The following PPP4R3B variants were observed in gnomAD, a reference collection of about 807,000 sequenced individuals.
The protein encoded by PPP4R3B is protein phosphatase 4 regulatory subunit 3B.
A neutral mutation model predicts 95.4 loss-of-function variants in PPP4R3B; 52 were observed. The observed-to-expected ratio is 0.54, with a 90% CI of 0.44 to 0.69. The LOEUF is 0.69. PPP4R3B is among the 30% of genes least tolerant of loss of function. The pLI is 0.00. For missense variants in PPP4R3B, 1,003 were observed against 1,005.9 expected (o/e 1.00, Z 0.04); for synonymous variants, 407 against 343.9 (o/e 1.18, Z -2.03).
chr2:55,598,697 A>C lies in PPP4R3B; in HGVS notation c.640T>G (p.Phe214Val), dbSNP rs777277076. ...LNKATLFEVM[F>V]SDECIMDVVG... The stretch of plus-strand genomic sequence containing the variant: ...ACATCCATGATACACTCATCAGAAA[A>C]CATTACCTCAAAAAGAGTTGCCTTA... The change falls in exon 4 of 17, where the codon TTT becomes GTT. Residue 214 changes from phenylalanine (F) to valine (V), a missense_variant. Coordinates refer to ENST00000616407, the MANE Select transcript of PPP4R3B (RefSeq NM_001122964.3). The C allele has an allele frequency of 6.2e-7, 1 of 1,614,222 alleles. No homozygotes were observed. The highest frequency in any genetic ancestry group is 8.5e-7 in the Non-Finnish European group (1 of 1,180,040).
chr2:55,555,756 T>C (rs894802185), intron 16 of PPP4R3B, among the ~76,000 whole-genome samples: 2 of 152,228 alleles, frequency 1.3e-5, no homozygotes, highest in East Asian at 3.8e-4. Context: ...TAAATTGTTA[T>C]ATCCATACTT....
chr2:55,574,887 C>T (rs906798617), intron 11 of PPP4R3B, among the ~76,000 whole-genome samples: 18 of 151,506 alleles, frequency 1.2e-4, no homozygotes, highest in African/African-American at 4.4e-4. Context: ...AGCCACTGCG[C>T]CCAGCCTGAT....
rs1481748744 is a variant in PPP4R3B, at chr2:55,617,467, C to T, written c.-182G>A. ...GAAGGGGTGACAAGAGCCACTGAGGCCTCTCCGCCCGGAGGCCCCGTTACC... is the reference window on the plus strand; with the variant it reads ...GAAGGGGTGACAAGAGCCACTGAGGTCTCTCCGCCCGGAGGCCCCGTTACC... On this transcript the variant is annotated 5_prime_UTR_variant, in exon 1 of 17. Coordinates refer to ENST00000616407, the MANE Select transcript of PPP4R3B (RefSeq NM_001122964.3). 4.9e-6 allele frequency: 3 copies of T among 607,668 alleles called. No individual in the cohort carries two copies. The East Asian group carries it at 9.8e-5, about 20-fold the overall frequency. 37.6% of individuals were successfully genotyped at this position (607,668 alleles called of 1,614,324 possible).
At chr2:55,591,403 A>G in intron 4 of PPP4R3B, 2 of 469,050 alleles carry the variant, frequency 4.3e-6, no homozygotes, top group Non-Finnish European at 5.6e-6. Flanking sequence ...TCAGCCTCCC[A>G]AAGTGCTAGG....
intron 2 of PPP4R3B, among the ~76,000 whole-genome samples, chr2:55,612,459 T>C (rs975657522): frequency 3.3e-5 from 5 of 152,182 alleles, no homozygotes; most frequent in African/African-American, 1.2e-4. Flanking sequence ...TGCTCACACC[T>C]GTAATCCCAG....
At position 55,574,657 on chromosome 2, in the gene PPP4R3B, G is replaced by C. The variant is rs549150211; in HGVS notation, c.1607-880C>G. The stretch of plus-strand genomic sequence containing the variant: ...CGCCCAGGCTGGAGTGCAGTGGCGC[G>C]ATCTTGGCTCACAGTAAGCTCCATC... On this transcript the variant is annotated intron_variant, in intron 11 of 16. Coordinates refer to ENST00000616407, the MANE Select transcript of PPP4R3B (RefSeq NM_001122964.3). 8.1e-5 allele frequency among the ~76,000 whole-genome samples: 12 copies of C among 149,000 alleles called. No individual in the cohort carries two copies. The South Asian group carries it at 2.4e-3, about 29-fold the overall frequency.
At chr2:55,609,851 T>C (rs182177883) in intron 2 of PPP4R3B, among the ~76,000 whole-genome samples, 1 of 152,272 alleles carries the variant, frequency 6.6e-6, no homozygotes, top group Admixed American at 6.5e-5. Flanking sequence ...TACATATGCA[T>C]ACCTCCAGCA....
chr2:55,559,535 T>C lies in PPP4R3B; in HGVS notation c.2261-567A>G, dbSNP rs1686320874. ...GACCTGGTGAGAGGTGACTGGATCA[T>C]GGGGGTGGATTTCGCCCTTGCTGTT... On this transcript the variant is annotated intron_variant, in intron 15 of 16. Transcript: ENST00000616407. 2.0e-5 allele frequency among the ~76,000 whole-genome samples: 3 copies of C among 152,086 alleles called. No homozygotes were observed. The South Asian group carries it at 6.2e-4, about 32-fold the overall frequency.
chr2:55,584,291 T>C (rs1353920673), intron 7 of PPP4R3B, among the ~76,000 whole-genome samples: 2 of 152,222 alleles, frequency 1.3e-5, no homozygotes, highest in Non-Finnish European at 2.9e-5. Context: ...AAAATTTAAA[T>C]ATATCAGTAG....
intron 3 of PPP4R3B, among the ~76,000 whole-genome samples, chr2:55,602,375 T>A (rs1231909118): frequency 5.3e-5 from 8 of 152,208 alleles, no homozygotes; most frequent in Non-Finnish European, 1.0e-4. Context: ...AAGGAAAAGT[T>A]TGGCCCTTAT....
rs147118353 is a variant in PPP4R3B, at chr2:55,598,419, C to A, written c.918G>T (p.Leu306Phe). Residue 306 changes from leucine to phenylalanine, a missense_variant, in exon 4 of 17, where the codon TTG becomes TTT. Physicochemically the swap from Leu to Phe is conservative, Grantham distance 22. This residue lies in a region of PPP4R3B where 695 missense variants were observed against 686.2 expected (regional missense o/e 1.01). Coordinates refer to ENST00000616407, the MANE Select transcript of PPP4R3B (RefSeq NM_001122964.3). ...TGAAGAGTATCTTTTTACTTACCTGCAACATGCTGACTATCTCAACTTTGT... is the reference window on the plus strand; with the variant it reads ...TGAAGAGTATCTTTTTACTTACCTGAAACATGCTGACTATCTCAACTTTGT... Reference protein sequence around the residue: ...FFNKVEIVSMLQEDEKFLSEV... With the variant: ...FFNKVEIVSMFQEDEKFLSEV... The A allele has an allele frequency of 6.2e-7, 1 of 1,612,244 alleles. No homozygotes were observed. Among genetic ancestry groups the A allele is most frequent in the South Asian group, 1.1e-5 (1 of 90,664 alleles).
At chr2:55,590,955 T>C (rs1051842161) in intron 4 of PPP4R3B, among the ~76,000 whole-genome samples, 8 of 152,168 alleles carry the variant, frequency 5.3e-5, no homozygotes, top group Non-Finnish European at 1.2e-4. Flanking sequence ...GACAAGACAC[T>C]GGGAGATGAA....
At chr2:55,613,784 A>G (rs1312183226) in intron 2 of PPP4R3B, among the ~76,000 whole-genome samples, 1 of 150,336 alleles carries the variant, frequency 6.7e-6, no homozygotes, top group Non-Finnish European at 1.5e-5. Flanking sequence ...TGATAATTAT[A>G]TTCATGCAGA....
At position 55,549,244 on chromosome 2, in the gene PPP4R3B, A is replaced by C. The variant is rs1285182814; in HGVS notation, c.*667T>G. On this transcript the variant is annotated 3_prime_UTR_variant, in exon 17 of 17. Transcript: ENST00000616407. ...TGTCTCTAAAAGTGCTGATTTTAAC[A>C]TTATCTTAAAACTGTCCAGTTTGAA... 1 of 152,582 alleles carries C rather than the reference A, an allele frequency of 6.6e-6. No individual in the cohort carries two copies. The highest frequency in any genetic ancestry group is 1.5e-5 in the Non-Finnish European group (1 of 68,056). 9.5% of individuals were successfully genotyped at this position (152,582 alleles called of 1,614,324 possible). A position where few individuals can be genotyped will look rare whatever the true frequency, so the allele number is the denominator to read the frequency against.
At chr2:55,614,688 T>C (rs1165807363) in intron 2 of PPP4R3B, 1 of 152,206 alleles carries the variant, frequency 6.6e-6, no homozygotes. Flanking sequence ...GCTTTAACTC[T>C]ATCCATAATG....
At chr2:55,588,978 T>A (rs543903701) in intron 4 of PPP4R3B, 22 bp from the exon 5 acceptor site, 1 of 1,416,554 alleles carries the variant, frequency 7.1e-7, no homozygotes, top group African/African-American at 1.4e-5. Flanking sequence ...AAATAATTAC[T>A]ATGAAATATT....
At position 55,594,343 on chromosome 2, in the gene PPP4R3B, TAA is replaced by T. The variant is rs1185757890; in HGVS notation, c.921+4071_921+4072del. On this transcript the variant is annotated intron_variant, in intron 4 of 16. Transcript: ENST00000616407. ...AAAATTCAACATCATTGCTGGCACA[TAA>T]GAGATAATTAAGTAGTAAATGTTAT... 3.5e-4 allele frequency among the ~76,000 whole-genome samples: 52 copies of T among 147,640 alleles called. 1 individual carries two copies. The highest frequency in any genetic ancestry group is 1.1e-3 in the African/African-American group (46 of 40,326).
chr2:55,578,052 A>C (rs966241830), intron 10 of PPP4R3B, among the ~76,000 whole-genome samples, 195 bp downstream of exon 10: 1 of 152,154 alleles, frequency 6.6e-6, no homozygotes, highest in African/African-American at 2.4e-5. Flanking sequence ...CTATTTCAAT[A>C]TGAATTAGAT....
intron 2 of PPP4R3B, among the ~76,000 whole-genome samples, chr2:55,608,042 G>A (rs1367771484): frequency 2.6e-5 from 4 of 152,186 alleles, no homozygotes; most frequent in Non-Finnish European, 5.9e-5. Flanking sequence ...GTCTCACTCT[G>A]TTGCCCAGGT....
Sources: gnomAD v4.1 joint callset for allele counts (sites outside exome capture counted in the v4.1 genomes callset) on GRCh38, gnomAD v4.1.1 for gene constraint, gnomAD v4.1.1 regional missense constraint, MANE v1.5 for transcripts, NCBI Gene and HGNC (gene_info 2026-07-23, HGNC 2026-07-21) for gene names.